COL5A2: variants seen among roughly 807,000 people sequenced by gnomAD.
COL5A2 encodes the protein collagen type V alpha 2 chain.
COL5A2 carries 23 observed loss-of-function variants against 208.2 expected under a neutral mutation model. The observed-to-expected ratio is 0.11, with a 90% CI of 0.08 to 0.16. The LOEUF is 0.16. Among genes scored for constraint, COL5A2 ranks in the 10% least tolerant of loss-of-function variants. COL5A2 has a pLI of 1.00. For missense variants in COL5A2, 1,590 were observed against 1,956.4 expected (o/e 0.81, Z 3.53); for synonymous variants, 625 against 628.5 (o/e 0.99, Z 0.08).
the COL5A2 span, among the ~76,000 whole-genome samples, chr2:189,319,533 C>T: frequency 1.1e-4 from 16 of 152,350 alleles, no homozygotes; most frequent in South Asian, 2.1e-4. Context: ...GTGCCTGGCT[C>T]GGAGGGTCCC....
the COL5A2 span, among the ~76,000 whole-genome samples, chr2:189,279,790 G>T: frequency 6.6e-6 from 1 of 152,052 alleles, no homozygotes; most frequent in South Asian, 2.1e-4. Flanking sequence ...CTGGGCAAGA[G>T]AAAACTTGAA....
At position 189,068,049 on chromosome 2, in the gene COL5A2, C is replaced by G. The variant is rs1416944974; in HGVS notation, c.1367G>C (p.Gly456Ala). The change falls in exon 21 of 54, where the codon GGT (glycine) becomes GCT (alanine). Residue 456 changes from glycine (G) to alanine (A), a missense_variant. By Grantham distance (60) the Gly-to-Ala change is moderately conservative. Transcript: ENST00000374866. ...TCGAATTCCCTGAGGACCAGTGCTA[C>G]CCTGAGGTCCTGGAGATCCAGGAGG... Reference protein sequence around the residue: ...AGPPGSPGPQGSTGPQGIRGQ... With the variant: ...AGPPGSPGPQASTGPQGIRGQ... 6.2e-7 allele frequency: 1 copy of G among 1,614,058 alleles called. No homozygotes were observed. Among genetic ancestry groups the G allele is most frequent in the Admixed American group, 1.7e-5 (1 of 59,972 alleles).
rs774560316 is a variant in COL5A2 at position 189,036,729 on chromosome 2, C to T, written c.4000G>A (p.Glu1334Lys). 2 of 1,613,568 alleles carry T rather than the reference C, an allele frequency of 1.2e-6. No individual in the cohort carries two copies. The highest frequency in any genetic ancestry group is 2.7e-5 in the African/African-American group (2 of 74,914). ...IKVYCNMETGETCISANPSSV... is the reference protein window; with the variant it reads ...IKVYCNMETGKTCISANPSSV... Reference sequence around the variant, plus strand: ...GATGGGTTTGCTGAAATACATGTTTCTCCTGTTTCCATGTTGCAGTAAACT... The same window carrying T: ...GATGGGTTTGCTGAAATACATGTTTTTCCTGTTTCCATGTTGCAGTAAACT... Residue 1334 changes from glutamate (E) to lysine (K), a missense_variant, in exon 52 of 54, where the codon GAA becomes AAA. Physicochemically the swap from Glu to Lys is moderately conservative, Grantham distance 56 (BLOSUM62 1). Transcript: ENST00000374866.
Position 189,088,717 on chromosome 2 carries a change from A to G in COL5A2, c.623T>C (p.Val208Ala). 1.9e-6 allele frequency: 3 copies of G among 1,614,004 alleles called. No individual in the cohort carries two copies. The highest frequency in any genetic ancestry group is 1.3e-5 in the African/African-American group (1 of 75,048). Reference sequence around the variant, plus strand: ...TACCACAGAGCCAGGCATTAGTCCTACTTGACTCCCAAGTCCAGATTTTTC... The same window carrying G: ...TACCACAGAGCCAGGCATTAGTCCTGCTTGACTCCCAAGTCCAGATTTTTC... ...LDEKSGLGSQ[V>A]GLMPGSVGPV... Residue 208 changes from valine (V) to alanine (A), a missense_variant, in exon 8 of 54, where the codon GTA (valine) becomes GCA (alanine). By Grantham distance (64) the Val-to-Ala change is moderately conservative (BLOSUM62 0). Coordinates refer to ENST00000374866, the MANE Select transcript of COL5A2 (RefSeq NM_000393.5).
chr2:189,074,615 CA>C (rs1686355817), intron 17 of COL5A2, among the ~76,000 whole-genome samples: 1 of 152,144 alleles, frequency 6.6e-6, no homozygotes, highest in South Asian at 2.1e-4. Flanking sequence ...AAATTGAATT[CA>C]TTTATTCCCA....
intron 35 of COL5A2, among the ~76,000 whole-genome samples, chr2:189,056,193 T>C (rs555090159): frequency 1.6e-3 from 247 of 152,322 alleles, no homozygotes; most frequent in African/African-American, 5.4e-3. Context: ...TCTTTTATTA[T>C]GTTACAACTG....
chr2:189,312,131 CA>C, the COL5A2 span, among the ~76,000 whole-genome samples: 34 of 152,274 alleles, frequency 2.2e-4, 1 homozygote, highest in African/African-American at 8.2e-4. Context: ...TCTGAGACCT[CA>C]GGTCCTCGAT....
chr2:189,227,631 T>C (rs540529648), upstream of COL5A2, among the ~76,000 whole-genome samples: 1 of 152,168 alleles, frequency 6.6e-6, no homozygotes, highest in African/African-American at 2.4e-5. Flanking sequence ...GAATATTACA[T>C]AATGATAAAA....
chr2:189,387,917 T>C, the COL5A2 span, among the ~76,000 whole-genome samples: 17 of 152,292 alleles, frequency 1.1e-4, no homozygotes, highest in South Asian at 2.1e-4. Context: ...CCCAAGTAGT[T>C]GGGACTACAG....
intron 12 of COL5A2, among the ~76,000 whole-genome samples, chr2:189,083,592 A>G (rs866015821): frequency 2.0e-5 from 3 of 152,204 alleles, no homozygotes; most frequent in Admixed American, 6.5e-5. Context: ...AATATAAAGT[A>G]AAAATATTAA....
At chr2:189,299,653 C>A in the COL5A2 span, among the ~76,000 whole-genome samples, 1 of 152,036 alleles carries the variant, frequency 6.6e-6, no homozygotes, top group Non-Finnish European at 1.5e-5. Context: ...ATTGCATTGC[C>A]CTTTTTATGC....
At chr2:189,333,661 C>A in the COL5A2 span, among the ~76,000 whole-genome samples, 1 of 151,912 alleles carries the variant, frequency 6.6e-6, no homozygotes, top group Non-Finnish European at 1.5e-5. Flanking sequence ...GGGCCCTAAC[C>A]TAATATGACT....
chr2:189,122,171 T>G (rs1687515119), intron 1 of COL5A2, among the ~76,000 whole-genome samples: 2 of 152,384 alleles, frequency 1.3e-5, no homozygotes, highest in South Asian at 2.1e-4. Flanking sequence ...CAGTTGTTTC[T>G]TCAATGACCA....
upstream of COL5A2, among the ~76,000 whole-genome samples, chr2:189,228,739 A>G (rs1199933106): frequency 6.6e-6 from 1 of 151,922 alleles, no homozygotes; most frequent in Non-Finnish European, 1.5e-5. Flanking sequence ...AAACATTTAA[A>G]TAATTAGTGG....
intron 3 of COL5A2, among the ~76,000 whole-genome samples, chr2:189,101,536 T>C (rs1559104807): frequency 6.6e-6 from 1 of 152,078 alleles, no homozygotes; most frequent in African/African-American, 2.4e-5. Flanking sequence ...GTATCTCTGA[T>C]TAATACCTTA....
At chr2:189,385,321 A>C in the COL5A2 span, among the ~76,000 whole-genome samples, 10 of 152,326 alleles carry the variant, frequency 6.6e-5, no homozygotes, top group East Asian at 1.9e-3. Flanking sequence ...CAGTATTTTT[A>C]TACACCAATA....
chr2:189,045,340 ATGTGTGTGTGTG>A (rs111268949), intron 46 of COL5A2, 108 bp from the exon 47 acceptor site: 2 of 582,090 alleles, frequency 3.4e-6, no homozygotes, highest in South Asian at 2.4e-5. Context: ...ATATATATAT[ATGTGTGTGTGTG>A]TGTGTGTGTG....
chr2:189,432,390 T>C, the COL5A2 span, among the ~76,000 whole-genome samples: 7 of 152,046 alleles, frequency 4.6e-5, 1 homozygote, highest in Admixed American at 3.9e-4. Flanking sequence ...GACTGGCAAA[T>C]TGGATAAAGA....
intron 1 of COL5A2, among the ~76,000 whole-genome samples, chr2:189,192,653 A>G (rs946068653): frequency 6.6e-6 from 1 of 152,350 alleles, no homozygotes; most frequent in Non-Finnish European, 1.5e-5. Flanking sequence ...TTTTTGCTTA[A>G]GTATGAACAA....
Sources: gnomAD v4.1 joint callset for allele counts (sites outside exome capture counted in the v4.1 genomes callset) on GRCh38, gnomAD v4.1.1 for gene constraint, MANE v1.5 for transcripts, NCBI Gene and HGNC (gene_info 2026-07-23, HGNC 2026-07-21) for gene names.